Variants in NTRK3 observed in about 807,000 individuals in gnomAD.
NTRK3 encodes the protein neurotrophic receptor tyrosine kinase 3.
A neutral mutation model predicts 91.7 loss-of-function variants in NTRK3; 24 were observed. That is an observed-to-expected ratio of 0.26 (90% CI 0.19 to 0.37). NTRK3 has a LOEUF of 0.37. Ranked by LOEUF, NTRK3 falls within the 10% of genes least tolerant of loss-of-function variation. The pLI, the probability that NTRK3 is intolerant of heterozygous loss-of-function variation, is 1.00. For missense variants in NTRK3, 880 were observed against 1,068.9 expected, an observed-to-expected ratio of 0.82 and a Z score of 2.46; for synonymous variants, 483 against 404.0, an observed-to-expected ratio of 1.20 and a Z score of -2.34.
intron 13 of NTRK3, among the ~76,000 whole-genome samples, chr15:88,037,661 C>T (rs1445909116): frequency 6.6e-6 from 1 of 152,164 alleles, no homozygotes; most frequent in Admixed American, 6.5e-5. Context: ...GAAAATGAGC[C>T]AACGTGTTGG....
intron 17 of NTRK3, among the ~76,000 whole-genome samples, chr15:87,917,855 C>T (rs529442270): frequency 6.8e-4 from 103 of 152,320 alleles, no homozygotes; most frequent in African/African-American, 2.4e-3. Context: ...CAGATGCTGG[C>T]ACCATGCTTC....
At chr15:87,909,288 G>T (rs992973339) in intron 17 of NTRK3, among the ~76,000 whole-genome samples, 1 of 152,108 alleles carries the variant, frequency 6.6e-6, no homozygotes, top group South Asian at 2.1e-4. Context: ...GAGGAGGGGG[G>T]TGCATGAGGA....
At chr15:88,008,041 C>T (rs1033600038) in intron 14 of NTRK3, among the ~76,000 whole-genome samples, 1 of 152,168 alleles carries the variant, frequency 6.6e-6, no homozygotes, top group African/African-American at 2.4e-5. Flanking sequence ...GGGAACAAAA[C>T]TATTCCCATA....
intron 13 of NTRK3, among the ~76,000 whole-genome samples, chr15:88,124,259 G>A (rs938385366): frequency 5.9e-5 from 9 of 152,232 alleles, no homozygotes; most frequent in Non-Finnish European, 1.5e-5. Flanking sequence ...TTCCACCTAC[G>A]TGGACATGTT....
intron 5 of NTRK3, among the ~76,000 whole-genome samples, chr15:88,150,256 G>A (rs1054032396): frequency 6.6e-6 from 1 of 152,204 alleles, no homozygotes; most frequent in Non-Finnish European, 1.5e-5. Context: ...CAGGGAGCCT[G>A]CCAGGAGTCC....
intron 14 of NTRK3, among the ~76,000 whole-genome samples, chr15:87,959,907 T>C (rs1318413201): frequency 6.6e-6 from 1 of 152,208 alleles, no homozygotes; most frequent in East Asian, 1.9e-4. Flanking sequence ...TATCTTGGCA[T>C]GGCCACCAAG....
At chr15:87,961,433 A>AT (rs921778017) in intron 14 of NTRK3, among the ~76,000 whole-genome samples, 3 of 152,218 alleles carry the variant, frequency 2.0e-5, no homozygotes, top group Non-Finnish European at 2.9e-5. Context: ...TTCTAGGGAG[A>AT]TTTTTTAAAG....
At chr15:87,860,047 CAAGAA>C (rs1196651144) in exon 19 of NTRK3, 14 of 204,336 alleles carry the variant, frequency 6.9e-5, no homozygotes, top group Non-Finnish European at 1.1e-4. Flanking sequence ...AAACAAAAAC[CAAGAA>C]AAGAGTTCGC....
chr15:88,030,167 C>A (rs932284970), intron 14 of NTRK3, among the ~76,000 whole-genome samples: 1 of 152,216 alleles, frequency 6.6e-6, no homozygotes, highest in South Asian at 2.1e-4. Flanking sequence ...TTCCCCTGCT[C>A]CTTCAAGTCT....
chr15:87,899,032 C>G (rs1203848634), intron 17 of NTRK3, among the ~76,000 whole-genome samples: 2 of 152,062 alleles, frequency 1.3e-5, no homozygotes, highest in Admixed American at 1.3e-4. Context: ...GCAACTGTTA[C>G]TTACTAACAT....
At chr15:88,065,015 C>T (rs1372886302) in intron 13 of NTRK3, among the ~76,000 whole-genome samples, 2 of 152,150 alleles carry the variant, frequency 1.3e-5, no homozygotes, top group African/African-American at 2.4e-5. Context: ...TGCTTGATAA[C>T]AAGTTTTTGT....
Position 87,904,993 on chromosome 15 carries a change from C to T in NTRK3, c.2133+24198G>A, listed in dbSNP as rs182933576. On this transcript the variant is annotated intron_variant, in intron 17 of 18. Coordinates refer to ENST00000394480, the Ensembl canonical transcript of NTRK3. ...CCTCAGCCCTCAAGTATCAAAATGA[C>T]GGGGGAAACTAGACAAGGGTCCCTA... Among the ~76,000 whole-genome samples the T allele has an allele frequency of 3.0e-4, 45 of 152,166 alleles. No individual in the cohort carries two copies. In the East Asian group the frequency reaches 3.3e-3, roughly 11 times the overall value.
intron 14 of NTRK3, among the ~76,000 whole-genome samples, chr15:87,968,946 C>G (rs750396185): frequency 2.6e-5 from 4 of 152,082 alleles, no homozygotes; most frequent in Non-Finnish European, 5.9e-5. Context: ...GCTTTACCAC[C>G]AATCCTTCAA....
intron 4 of NTRK3, 54 bp from the exon 5 acceptor site, chr15:88,183,543 G>A (rs991341632): frequency 1.3e-6 from 2 of 1,538,650 alleles, no homozygotes; most frequent in Non-Finnish European, 1.8e-6. Context: ...AGGGATATCT[G>A]CTCTGGGCTG....
At chr15:87,987,395 C>T (rs1291331774) in intron 14 of NTRK3, among the ~76,000 whole-genome samples, 2 of 152,114 alleles carry the variant, frequency 1.3e-5, no homozygotes, top group East Asian at 1.9e-4. Flanking sequence ...TGAGGTTGTA[C>T]ATCATCTCAA....
chr15:87,990,788 A>G (rs2075226900), intron 14 of NTRK3, among the ~76,000 whole-genome samples: 1 of 152,152 alleles, frequency 6.6e-6, no homozygotes, highest in African/African-American at 2.4e-5. Flanking sequence ...ATGTGCACAC[A>G]TACCAAACAA....
In NTRK3 at chr15:87,912,927, AAAAAATATATATATATATAT is replaced by A. The variant is rs1398746119; in HGVS notation, c.2133+16244_2133+16263del. On this transcript the variant is annotated intron_variant, in intron 17 of 18. Coordinates refer to ENST00000394480, the Ensembl canonical transcript of NTRK3. ...GCTGTTCAACTTTTCAAAAAGTAAA[AAAAAATATATATATATATAT>A]ATATATATATATATATATATATATA... Among the ~76,000 whole-genome samples the A allele has an allele frequency of 5.1e-3, 488 of 96,274 alleles. 11 individuals carry two copies. Among genetic ancestry groups the A allele is most frequent in the Middle Eastern group, 0.012 (2 of 166 alleles). 63.2% of individuals were successfully genotyped at this position (96,274 alleles called of 152,430 possible). A position where few individuals can be genotyped will look rare whatever the true frequency, so the allele number is the denominator to read the frequency against.
exon 19 of NTRK3, chr15:87,860,685 C>T (rs749717120): frequency 5.7e-5 from 12 of 208,820 alleles, no homozygotes; most frequent in Non-Finnish European, 1.1e-4. Context: ...GGAGGAGATA[C>T]GATTAGTAAA....
chr15:87,878,906 G>GGTGTGTGT (rs34029623), intron 18 of NTRK3, among the ~76,000 whole-genome samples: 12 of 141,950 alleles, frequency 8.5e-5, no homozygotes, highest in South Asian at 2.4e-4. Flanking sequence ...GTGCATGCAT[G>GGTGTGTGT]GTGTGTGTGT....
Sources: gnomAD v4.1 joint callset for allele counts (sites outside exome capture counted in the v4.1 genomes callset) on GRCh38, gnomAD v4.1.1 for gene constraint, MANE v1.5 for transcripts, NCBI Gene and HGNC (gene_info 2026-07-23, HGNC 2026-07-21) for gene names.